The following PRKN variants were observed in gnomAD, a reference collection of about 807,000 sequenced individuals.
The protein encoded by PRKN is parkin RBR E3 ubiquitin protein ligase, also known as E3 ubiquitin-protein ligase parkin.
PRKN carries 56 observed loss-of-function variants against 59.5 expected under a neutral mutation model. The observed-to-expected ratio is 0.94, with a 90% CI of 0.76 to 1.18. The LOEUF is 1.18. Among genes scored for constraint, PRKN ranks in the 50% most tolerant of loss-of-function variants. The probability of loss-of-function intolerance (pLI) is 0.00; values close to 1 mark genes in which losing one functional copy is unlikely to be tolerated. For synonymous variants in PRKN, 250 were observed against 222.1 expected, an observed-to-expected ratio of 1.13 and a Z score of -1.12; for missense variants, 657 against 596.4, an observed-to-expected ratio of 1.10 and a Z score of -1.06.
At chr6:162,119,971 C>G (rs1222533510) in intron 4 of PRKN, among the ~76,000 whole-genome samples, 2 of 152,134 alleles carry the variant, frequency 1.3e-5, no homozygotes, top group South Asian at 2.1e-4. Flanking sequence ...TTATCATTAT[C>G]TTTTTAGTTC....
intron 1 of PRKN, among the ~76,000 whole-genome samples, chr6:162,671,418 G>A (rs1314164210): frequency 6.6e-6 from 1 of 150,720 alleles, no homozygotes; most frequent in Non-Finnish European, 1.5e-5. Flanking sequence ...AGAATGGCTT[G>A]AACCCGGAAG....
intron 1 of PRKN, among the ~76,000 whole-genome samples, chr6:162,724,117 C>T (rs991525172): frequency 2.0e-5 from 3 of 152,198 alleles, no homozygotes; most frequent in East Asian, 1.9e-4. Context: ...TCCCCACTAA[C>T]ATTCCATTTT....
At chr6:161,486,493 AGAGGT>A (rs1791650929) in intron 9 of PRKN, among the ~76,000 whole-genome samples, 1 of 152,200 alleles carries the variant, frequency 6.6e-6, no homozygotes, top group Admixed American at 6.5e-5. Context: ...TTCTCACATA[AGAGGT>A]GAGTTAACAG....
intron 1 of PRKN, among the ~76,000 whole-genome samples, chr6:162,490,927 A>G (rs781723233): frequency 1.3e-5 from 2 of 152,022 alleles, no homozygotes; most frequent in Non-Finnish European, 2.9e-5. Context: ...TGAGGCCAGA[A>G]GCTCGAGGCC....
At chr6:161,365,721 T>C (rs974341490) in intron 10 of PRKN, among the ~76,000 whole-genome samples, 9 of 152,232 alleles carry the variant, frequency 5.9e-5, no homozygotes, top group Non-Finnish European at 1.2e-4. Flanking sequence ...AGAAAGCCAC[T>C]AGGATTTCCC....
At chr6:162,697,619 C>T (rs567276026) in intron 1 of PRKN, among the ~76,000 whole-genome samples, 1 of 152,198 alleles carries the variant, frequency 6.6e-6, no homozygotes, top group East Asian at 1.9e-4. Flanking sequence ...TCTATATATG[C>T]TATGGCGTCA....
Position 162,515,945 on chromosome 6 carries a change from C to A in PRKN, c.8-72472G>T, listed in dbSNP as rs187719096. On this transcript the variant is annotated intron_variant, in intron 1 of 11. Transcript: ENST00000366898. ...CTCTATAAGAGGAGTCCCAGGAACG[C>A]CCTGAAGTATCAATTAAAATGCAGC... Among the ~76,000 whole-genome samples, 1,230 of 152,302 alleles carry A rather than the reference C, an allele frequency of 8.1e-3. 10 individuals carry two copies. The highest frequency in any genetic ancestry group is 0.014 in the Middle Eastern group (4 of 294).
intron 6 of PRKN, among the ~76,000 whole-genome samples, chr6:161,957,600 T>G (rs1231074741): frequency 6.6e-6 from 1 of 152,088 alleles, no homozygotes; most frequent in Non-Finnish European, 1.5e-5. Context: ...AATTTCTGTA[T>G]TTTTAGTAGA....
At chr6:161,784,319 T>C (rs1221611513) in intron 7 of PRKN, among the ~76,000 whole-genome samples, 1 of 152,168 alleles carries the variant, frequency 6.6e-6, no homozygotes, top group Non-Finnish European at 1.5e-5. Context: ...CTAGAAACTT[T>C]TGTTCACCAA....
rs1430801781 is a variant in PRKN at position 161,488,184 on chromosome 6, A to G, written c.1083+60670T>C. On this transcript the variant is annotated intron_variant, in intron 9 of 11. Transcript: ENST00000366898. This position sits in a 1 kb window ranked among gnomAD's most constrained non-coding sequence, Gnocchi z 4.5. ...CTAAATGAATGGAGGCAGCCATGCA[A>G]AAAGCTGAAGGAAGGTCCTCCAGGA... is the stretch of plus-strand genomic sequence containing the variant. 1.3e-5 allele frequency among the ~76,000 whole-genome samples: 2 copies of G among 152,166 alleles called. No homozygotes were observed. The highest frequency in any genetic ancestry group is 2.9e-5 in the Non-Finnish European group (2 of 68,028).
Position 161,491,852 on chromosome 6 carries a change from G to A in PRKN, c.1083+57002C>T, listed in dbSNP as rs796952448. On this transcript the variant is annotated intron_variant, in intron 9 of 11. Coordinates refer to ENST00000366898, the MANE Select transcript of PRKN (RefSeq NM_004562.3). ...TCACCATGTTGGCCAGGCTGGTCTC[G>A]AACTCCTGACCTCAGGTGATCCACC... 2.8e-4 allele frequency among the ~76,000 whole-genome samples: 42 copies of A among 152,052 alleles called. 1 individual carries two copies. The highest frequency in any genetic ancestry group is 8.9e-4 in the African/African-American group (37 of 41,488).
intron 7 of PRKN, among the ~76,000 whole-genome samples, chr6:161,628,606 T>C (rs1783180841): frequency 6.6e-6 from 1 of 152,164 alleles, no homozygotes; most frequent in East Asian, 1.9e-4. Context: ...TATTTGCTAG[T>C]GAAAGGATTA....
intron 1 of PRKN, among the ~76,000 whole-genome samples, chr6:162,467,053 T>C (rs1791452121): frequency 6.6e-6 from 1 of 152,214 alleles, no homozygotes; most frequent in African/African-American, 2.4e-5. Context: ...TGGATTCTAT[T>C]ATTACGTTTA....
chr6:161,857,612 T>G (rs781561352), intron 6 of PRKN, among the ~76,000 whole-genome samples: 5 of 152,230 alleles, frequency 3.3e-5, no homozygotes, highest in African/African-American at 7.2e-5. Context: ...GTTAAATGTA[T>G]CAGTTTGCTT....
chr6:162,313,632 C>T (rs567309126), intron 2 of PRKN, among the ~76,000 whole-genome samples: 9 of 152,120 alleles, frequency 5.9e-5, no homozygotes, highest in South Asian at 4.2e-4. Context: ...GGATTACAGG[C>T]GCGTACCATC....
At chr6:162,392,634 A>C (rs946988371) in intron 2 of PRKN, among the ~76,000 whole-genome samples, 5 of 152,200 alleles carry the variant, frequency 3.3e-5, no homozygotes, top group African/African-American at 1.2e-4. Flanking sequence ...ATATAGATTG[A>C]GGCCAACATT....
intron 7 of PRKN, among the ~76,000 whole-genome samples, chr6:161,739,357 G>T (rs1788097202): frequency 6.6e-6 from 1 of 152,122 alleles, no homozygotes; most frequent in Non-Finnish European, 1.5e-5. Flanking sequence ...GCGGTGAGCT[G>T]AAATTGCACC....
intron 1 of PRKN, among the ~76,000 whole-genome samples, chr6:162,500,447 C>T (rs527473770): frequency 2.6e-5 from 4 of 152,284 alleles, no homozygotes; most frequent in African/African-American, 9.6e-5. Flanking sequence ...GCTGGGATTA[C>T]AGGCGTGAGC....
intron 5 of PRKN, among the ~76,000 whole-genome samples, chr6:161,986,287 A>C (rs1309954999): frequency 2.0e-5 from 3 of 152,202 alleles, no homozygotes; most frequent in Non-Finnish European, 4.4e-5. Flanking sequence ...ACAGAGCTGT[A>C]ACACCACCGG....
Sources: gnomAD v4.1 joint callset for allele counts (sites outside exome capture counted in the v4.1 genomes callset) on GRCh38, gnomAD v4.1.1 for gene constraint, Gnocchi (gnomAD v3.1) non-coding constraint, MANE v1.5 for transcripts, NCBI Gene and HGNC (gene_info 2026-07-23, HGNC 2026-07-21) for gene names.